Variants in WDPCP observed in about 807,000 individuals in gnomAD.
The protein encoded by WDPCP is WD repeat containing planar cell polarity effector.
A neutral mutation model predicts 93.1 loss-of-function variants in WDPCP; 71 were observed. The ratio of observed to expected loss-of-function variants is 0.76; its 90% CI spans 0.63 to 0.93. WDPCP has a LOEUF of 0.93. WDPCP is among the 40% of genes least tolerant of loss of function. WDPCP has a pLI of 0.00. For synonymous variants in WDPCP, 315 were observed against 315.0 expected (o/e 1.00, Z 0.00); for missense variants, 844 against 887.4 (o/e 0.95, Z 0.62).
intron 1 of WDPCP, among the ~76,000 whole-genome samples, chr2:63,506,835 T>C (rs1263229390): frequency 6.6e-6 from 1 of 151,878 alleles, no homozygotes; most frequent in Non-Finnish European, 1.5e-5. Flanking sequence ...AAGTAAAACA[T>C]TGCTGAGAGT....
intron 9 of WDPCP, among the ~76,000 whole-genome samples, chr2:63,410,505 C>CA (rs1380574483): frequency 6.6e-6 from 1 of 152,172 alleles, no homozygotes; most frequent in Non-Finnish European, 1.5e-5. Context: ...ACACAGGCAA[C>CA]AAATAGCACT....
rs67091232 is a variant in WDPCP at position 63,127,662 on chromosome 2, CATATATATATAT to C, written c.2191-5618_2191-5607del. On this transcript the variant is annotated intron_variant, in intron 17 of 17. Transcript: ENST00000272321. ...TGTAAATACCGTGTATGTGTATGTG[CATATATATATAT>C]ATATATATATATATATATATACGCA... is the stretch of plus-strand genomic sequence containing the variant. Among the ~76,000 whole-genome samples the C allele has an allele frequency of 2.5e-3, 335 of 131,704 alleles. 3 individuals are homozygous for C. The highest frequency in any genetic ancestry group is 8.3e-3 in the African/African-American group (289 of 34,936). 86.4% of individuals were successfully genotyped at this position (131,704 alleles called of 152,430 possible). A position where few individuals can be genotyped will look rare whatever the true frequency, so the allele number is the denominator to read the frequency against.
At chr2:63,424,966 C>A (rs1209281283) in intron 9 of WDPCP, among the ~76,000 whole-genome samples, 1 of 152,186 alleles carries the variant, frequency 6.6e-6, no homozygotes, top group Non-Finnish European at 1.5e-5. Flanking sequence ...TGCTGAAATA[C>A]AAGAGCCACG....
At position 63,669,607 on chromosome 2, in the gene WDPCP, G is replaced by A. The variant is rs371532316; in HGVS notation, n.309-18769C>T. On this transcript the variant is annotated intron_variant and non_coding_transcript_variant, in intron 2 of 4. Coordinates refer to the WDPCP transcript ENST00000467687. Reference sequence around the variant, plus strand: ...ACTCCTGACCTCAGGTGATCCACCCGTCTCAGCCTCCCAAAGTGCTGGGAT... The same window carrying A: ...ACTCCTGACCTCAGGTGATCCACCCATCTCAGCCTCCCAAAGTGCTGGGAT... Among the ~76,000 whole-genome samples, 152 of 152,200 alleles carry A rather than the reference G, an allele frequency of 1.0e-3. 1 individual carries two copies. In the South Asian group the frequency reaches 0.012, roughly 12 times the overall value.
intron 14 of WDPCP, among the ~76,000 whole-genome samples, chr2:63,196,130 C>G (rs1675414368): frequency 6.6e-6 from 1 of 152,110 alleles, no homozygotes; most frequent in Admixed American, 6.6e-5. Context: ...AGTGCAATAC[C>G]AGAAACCTTG....
upstream of WDPCP, among the ~76,000 whole-genome samples, chr2:63,828,754 G>A (rs1402589562): frequency 2.0e-5 from 3 of 151,988 alleles, no homozygotes; most frequent in Admixed American, 2.0e-4. Flanking sequence ...CTTTTGCTTT[G>A]TCTTCTTCCT....
At chr2:63,533,132 A>C (rs1014049946) in intron 1 of WDPCP, among the ~76,000 whole-genome samples, 2 of 143,484 alleles carry the variant, frequency 1.4e-5, no homozygotes, top group African/African-American at 5.0e-5. Flanking sequence ...CATAATGGTA[A>C]AGGGATCAAT....
At chr2:63,551,074 A>C (rs1705598314) in intron 1 of WDPCP, among the ~76,000 whole-genome samples, 1 of 152,170 alleles carries the variant, frequency 6.6e-6, no homozygotes, top group African/African-American at 2.4e-5. Context: ...TACCTTATAA[A>C]TGTCTTTCAA....
intron 12 of WDPCP, among the ~76,000 whole-genome samples, chr2:63,324,530 C>A (rs1465330619): frequency 6.6e-6 from 1 of 152,212 alleles, no homozygotes; most frequent in Non-Finnish European, 1.5e-5. Context: ...TCAGATGATC[C>A]TGATAGGTAC....
At chr2:63,218,694 T>TA (rs1677562181) in intron 14 of WDPCP, among the ~76,000 whole-genome samples, 1 of 149,236 alleles carries the variant, frequency 6.7e-6, no homozygotes, top group Non-Finnish European at 1.5e-5. Context: ...TACGCCCAGC[T>TA]AATTTTTGTA....
At chr2:63,776,115 A>G (rs938338195) in intron 2 of WDPCP, among the ~76,000 whole-genome samples, 1 of 147,300 alleles carries the variant, frequency 6.8e-6, no homozygotes, top group African/African-American at 2.5e-5. Flanking sequence ...ACATACATAC[A>G]TACACAAGTT....
At chr2:63,768,270 A>G (rs1295794118) in intron 2 of WDPCP, among the ~76,000 whole-genome samples, 1 of 151,088 alleles carries the variant, frequency 6.6e-6, no homozygotes, top group Non-Finnish European at 1.5e-5. Context: ...ATTTTATACC[A>G]TTGAACTATT....
intron 6 of WDPCP, among the ~76,000 whole-genome samples, chr2:63,472,866 T>A (rs1699775308): frequency 6.6e-6 from 1 of 152,214 alleles, no homozygotes; most frequent in Non-Finnish European, 1.5e-5. Flanking sequence ...AGCCAATTAT[T>A]CCTTGTTAAA....
chr2:63,737,755 G>A (rs1669658862), intron 2 of WDPCP, among the ~76,000 whole-genome samples: 1 of 151,952 alleles, frequency 6.6e-6, no homozygotes, highest in Non-Finnish European at 1.5e-5. Context: ...TCTTAAAAAA[G>A]GAAATACAGA....
At chr2:63,643,381 A>G in intron 3 of WDPCP, 1 of 357,992 alleles carries the variant, frequency 2.8e-6, no homozygotes, top group Non-Finnish European at 5.4e-6. Flanking sequence ...GCCAATAACA[A>G]AAATGTTGGA....
chr2:63,761,890 G>T (rs545176144), intron 2 of WDPCP, among the ~76,000 whole-genome samples: 9 of 152,208 alleles, frequency 5.9e-5, no homozygotes, highest in Admixed American at 4.6e-4. Context: ...CCCATTACTG[G>T]TGGCTGCCTT....
At chr2:63,453,936 C>T in intron 6 of WDPCP, among the ~76,000 whole-genome samples, 1 of 110,556 alleles carries the variant, frequency 9.0e-6, no homozygotes, top group Non-Finnish European at 1.7e-5. Context: ...ACATCACACA[C>T]TGGGGCCTGT....
chr2:63,750,510 T>C (rs924274527), intron 2 of WDPCP, among the ~76,000 whole-genome samples: 1 of 152,138 alleles, frequency 6.6e-6, no homozygotes, highest in Admixed American at 6.5e-5. Flanking sequence ...TTTTGTCTTA[T>C]TGCAATAACT....
chr2:63,742,488 G>C (rs1488455715), intron 2 of WDPCP, among the ~76,000 whole-genome samples: 1 of 151,536 alleles, frequency 6.6e-6, no homozygotes, highest in Non-Finnish European at 1.5e-5. Flanking sequence ...CTTTGGGATG[G>C]TCCTCAGAAT....
Sources: gnomAD v4.1 joint callset for allele counts (sites outside exome capture counted in the v4.1 genomes callset) on GRCh38, gnomAD v4.1.1 for gene constraint, MANE v1.5 for transcripts, NCBI Gene and HGNC (gene_info 2026-07-23, HGNC 2026-07-21) for gene names.